The following KANK1 variants were observed in gnomAD, a reference collection of about 807,000 sequenced individuals.
The protein encoded by KANK1 is KN motif and ankyrin repeat domains 1, also known as KN motif and ankyrin repeat domain-containing protein 1.
KANK1 carries 109 observed loss-of-function variants against 106.2 expected under a neutral mutation model. That is an observed-to-expected ratio of 1.03 (90% confidence interval 0.88 to 1.20). The LOEUF (loss-of-function observed/expected upper bound fraction) is 1.20, where lower values mean the gene tolerates loss of function less well. KANK1 is among the 50% of genes most tolerant of loss of function. The probability of loss-of-function intolerance (pLI) is 0.00; values close to 1 mark genes in which losing one functional copy is unlikely to be tolerated. For synonymous variants in KANK1, 873 were observed against 652.2 expected (o/e 1.34, Z -5.16); for missense variants, 2,399 against 1,710.7 (o/e 1.40, Z -7.10).
chr9:667,736 T>G (rs1588725506), intron 1 of KANK1, among the ~76,000 whole-genome samples: 1 of 63,388 alleles, frequency 1.6e-5, no homozygotes, highest in African/African-American at 5.5e-5. Context: ...TTCCAAAGGT[T>G]TTTTTGTTTT....
intron 1 of KANK1, among the ~76,000 whole-genome samples, chr9:646,091 A>C (rs1839611457): frequency 6.6e-6 from 1 of 150,912 alleles, no homozygotes; most frequent in Admixed American, 6.6e-5. Context: ...TTCCTTTTGT[A>C]AGTTTCTCTA....
chr9:519,062 G>C (rs1377580895), intron 1 of KANK1, among the ~76,000 whole-genome samples: 2 of 151,434 alleles, frequency 1.3e-5, no homozygotes, highest in Non-Finnish European at 2.9e-5. Flanking sequence ...GACTAATTTT[G>C]TATGTTTAAT....
At chr9:476,740 A>G (rs2058111627) in intron 3 of KANK1, 1 of 152,238 alleles carries the variant, frequency 6.6e-6, no homozygotes, top group Non-Finnish European at 1.5e-5. Context: ...GATCATCAGT[A>G]GAAATATTAA....
At chr9:745,117 ACAT>A in intron 11 of KANK1, 53 bp from the exon 12 acceptor site, 2 of 1,601,320 alleles carry the variant, frequency 1.2e-6, no homozygotes, top group Non-Finnish European at 1.7e-6. Context: ...CACAGGGTAC[ACAT>A]CTGCCTGAGG....
At chr9:618,208 CATTT>C (rs1003893666) in intron 1 of KANK1, among the ~76,000 whole-genome samples, 1 of 152,048 alleles carries the variant, frequency 6.6e-6, no homozygotes, top group African/African-American at 2.4e-5. Context: ...TTCCAGATCA[CATTT>C]ATTTATTTAT....
chr9:643,459 C>G (rs1460563956), intron 1 of KANK1, among the ~76,000 whole-genome samples: 1 of 149,678 alleles, frequency 6.7e-6, no homozygotes, highest in African/African-American at 2.5e-5. Flanking sequence ...GGTCCAAGCT[C>G]TAGGGGCCTC....
intron 1 of KANK1, among the ~76,000 whole-genome samples, chr9:582,761 C>G (rs73376918): frequency 6.6e-6 from 1 of 152,190 alleles, no homozygotes; most frequent in African/African-American, 2.4e-5. Context: ...GTGAATGCCT[C>G]TTCATCTAGA....
rs1276252805 is a variant in KANK1 at position 746,005 on chromosome 9, T to G, written c.*770T>G. 1.3e-5 allele frequency: 2 copies of G among 152,660 alleles called. No homozygotes were observed. Among genetic ancestry groups the G allele is most frequent in the African/African-American group, 2.4e-5 (1 of 41,462 alleles). 9.5% of individuals were successfully genotyped at this position (152,660 alleles called of 1,614,324 possible). A position where few individuals can be genotyped will look rare whatever the true frequency, so the allele number is the denominator to read the frequency against. On this transcript the variant is annotated 3_prime_UTR_variant, in exon 12 of 12. Coordinates refer to ENST00000382297, the MANE Select transcript of KANK1 (RefSeq NM_015158.5). ...GTTCTCTTTGTATTTATGGATTCCT[T>G]TTTACCGTGTCACATTTACTTTGGT...
intron 1 of KANK1, among the ~76,000 whole-genome samples, chr9:568,361 A>G (rs1194954335): frequency 3.3e-5 from 5 of 152,208 alleles, no homozygotes; most frequent in African/African-American, 9.7e-5. Context: ...TGTTTAAGAT[A>G]TGTATCATAA....
At chr9:550,053 C>T (rs1457825696) in intron 1 of KANK1, among the ~76,000 whole-genome samples, 1 of 152,124 alleles carries the variant, frequency 6.6e-6, no homozygotes, top group South Asian at 2.1e-4. Flanking sequence ...CAAGGACTTG[C>T]TTTCTCGTGA....
chr9:677,085 G>T, intron 2 of KANK1, 76 bp downstream of exon 2: 1 of 1,333,394 alleles, frequency 7.5e-7, no homozygotes, highest in South Asian at 1.2e-5. Context: ...CTTTAATAAT[G>T]AACGGATAAT....
At chr9:673,688 T>C (rs1815766130) in intron 1 of KANK1, 1 of 152,074 alleles carries the variant, frequency 6.6e-6, no homozygotes, top group African/African-American at 2.4e-5. Context: ...TGGGCCAAAG[T>C]TTATTAAGCT....
intron 8 of KANK1, among the ~76,000 whole-genome samples, chr9:740,581 T>G (rs547967843): frequency 6.6e-6 from 1 of 152,146 alleles, no homozygotes; most frequent in South Asian, 2.1e-4. Context: ...GTTGTTTCTC[T>G]TGCTTCAGGT....
intron 1 of KANK1, among the ~76,000 whole-genome samples, chr9:537,809 A>G (rs1203028888): frequency 6.6e-6 from 1 of 152,218 alleles, no homozygotes; most frequent in Non-Finnish European, 1.5e-5. Context: ...ATAGCCCACA[A>G]CAAAGAGTTA....
chr9:568,897 T>A (rs1320737567), intron 1 of KANK1, among the ~76,000 whole-genome samples: 1 of 152,196 alleles, frequency 6.6e-6, no homozygotes, highest in African/African-American at 2.4e-5. Context: ...CTTAATATGT[T>A]TTGCCAAATT....
intron 2 of KANK1, among the ~76,000 whole-genome samples, chr9:678,648 C>A (rs1329850725): frequency 6.6e-6 from 1 of 152,114 alleles, no homozygotes; most frequent in Non-Finnish European, 1.5e-5. Flanking sequence ...ATGGCTGGAA[C>A]CTGGGAGGCA....
chr9:471,212 A>C (rs1001634747), intron 2 of KANK1, among the ~76,000 whole-genome samples: 1 of 152,120 alleles, frequency 6.6e-6, no homozygotes, highest in Admixed American at 6.5e-5. Flanking sequence ...GCTTTTTCAG[A>C]GCTGGCGAAG....
intron 1 of KANK1, among the ~76,000 whole-genome samples, chr9:575,121 T>C (rs2135038475): frequency 6.6e-6 from 1 of 152,320 alleles, no homozygotes; most frequent in East Asian, 1.9e-4. Context: ...TTGTCTTAAA[T>C]GTTCTGACAT....
At chr9:716,994 G>A (rs536058483) in intron 3 of KANK1, among the ~76,000 whole-genome samples, 2 of 150,858 alleles carry the variant, frequency 1.3e-5, no homozygotes, top group African/African-American at 4.9e-5. Context: ...GGGTGGGGGT[G>A]GTGGGGGGAG....
Sources: gnomAD v4.1 joint callset for allele counts (sites outside exome capture counted in the v4.1 genomes callset) on GRCh38, gnomAD v4.1.1 for gene constraint, MANE v1.5 for transcripts, NCBI Gene and HGNC (gene_info 2026-07-23, HGNC 2026-07-21) for gene names.